The following GTF2A2 variants were observed in gnomAD, a reference collection of about 807,000 sequenced individuals.
GTF2A2 encodes general transcription factor IIA subunit 2.
GTF2A2 carries 9 observed loss-of-function variants against 14.3 expected under a neutral mutation model. That is an observed-to-expected ratio of 0.63 (90% CI 0.38 to 1.10). The LOEUF (loss-of-function observed/expected upper bound fraction) is 1.10. Ranked by LOEUF, GTF2A2 falls within the 50% of genes least tolerant of loss-of-function variation. The pLI is 0.01. For missense variants in GTF2A2, 90 were observed against 124.6 expected, an observed-to-expected ratio of 0.72 and a Z score of 1.32; for synonymous variants, 56 against 46.0, an observed-to-expected ratio of 1.22 and a Z score of -0.88.
rs1891288001 is a variant in GTF2A2, at chr15:59,639,065, C to T, written c.*67G>A. ...CAATTCTAGAATAAATAAAAAGTCT[C>T]TTCTATGCTTCTCTTCAAAAGCAAT... On this transcript the variant is annotated 3_prime_UTR_variant, in exon 5 of 5. Transcript: ENST00000396060. The T allele has an allele frequency of 1.1e-6, 1 of 909,882 alleles. No individual in the cohort carries two copies. Among genetic ancestry groups the T allele is most frequent in the South Asian group, 1.3e-5 (1 of 75,908 alleles). The allele number at this position is 909,882 out of a possible 1,614,324, so 56.4% of individuals were successfully genotyped here.
At chr15:59,654,870 T>C (rs1891896881) in intron 1 of GTF2A2, among the ~76,000 whole-genome samples, 1 of 152,186 alleles carries the variant, frequency 6.6e-6, no homozygotes, top group Admixed American at 6.5e-5. Flanking sequence ...CGTATATACT[T>C]AGTGATTGAG....
At chr15:59,651,508 A>G (rs1385609742) in intron 2 of GTF2A2, 3 of 152,188 alleles carry the variant, frequency 2.0e-5, no homozygotes, top group African/African-American at 7.2e-5. Context: ...ATTTGGGAGA[A>G]TTATACAGAA....
At chr15:59,652,145 G>T (rs1891812889) in intron 2 of GTF2A2, 61 bp downstream of exon 2, 1 of 931,386 alleles carries the variant, frequency 1.1e-6, no homozygotes, top group Non-Finnish European at 1.7e-6. Context: ...TAAGTGATAT[G>T]ACAAGAATTA....
chr15:59,643,356 A>C (rs1055945679), intron 3 of GTF2A2, among the ~76,000 whole-genome samples: 72 of 151,984 alleles, frequency 4.7e-4, no homozygotes, highest in African/African-American at 1.7e-3. Context: ...CTGGGATTAC[A>C]GGCATGAATC....
chr15:59,648,912 C>A (rs1337554572), intron 3 of GTF2A2, among the ~76,000 whole-genome samples: 3 of 151,720 alleles, frequency 2.0e-5, no homozygotes, highest in Non-Finnish European at 4.4e-5. Context: ...CCAGCCTGGG[C>A]GACAGAGCAA....
At chr15:59,640,507 C>CAAATT (rs2141955041) in intron 4 of GTF2A2, among the ~76,000 whole-genome samples, 1 of 152,274 alleles carries the variant, frequency 6.6e-6, no homozygotes, top group East Asian at 1.9e-4. Flanking sequence ...TGGCTAAATT[C>CAAATT]AAATTAATAA....
intron 3 of GTF2A2, among the ~76,000 whole-genome samples, chr15:59,643,298 T>C (rs544358561): frequency 6.6e-6 from 1 of 151,792 alleles, no homozygotes; most frequent in East Asian, 1.9e-4. Context: ...CAGGCTGGTC[T>C]CAAACTCCTG....
At chr15:59,647,259 CTTTG>C (rs1443449157) in intron 3 of GTF2A2, among the ~76,000 whole-genome samples, 5 of 152,004 alleles carry the variant, frequency 3.3e-5, no homozygotes, top group South Asian at 4.2e-4. Flanking sequence ...CACCCAGCTA[CTTTG>C]TTTGTTTTGT....
intron 3 of GTF2A2, among the ~76,000 whole-genome samples, chr15:59,648,401 C>CAAA (rs71425875): frequency 0.45 from 40,386 of 90,014 alleles, 9,901 homozygotes; most frequent in Middle Eastern, 0.52. Context: ...GACTTCGTCT[C>CAAA]AAAAAAAAAA....
At chr15:59,646,626 T>C (rs2141961249) in intron 3 of GTF2A2, among the ~76,000 whole-genome samples, 1 of 152,330 alleles carries the variant, frequency 6.6e-6, no homozygotes, top group East Asian at 1.9e-4. Flanking sequence ...TATGCTGAAA[T>C]TCCATTAGTT....
chr15:59,642,655 G>A (rs1006548032), intron 3 of GTF2A2, among the ~76,000 whole-genome samples: 19 of 152,186 alleles, frequency 1.2e-4, no homozygotes, highest in Admixed American at 3.3e-4. Context: ...CAAAAGCAGG[G>A]ATTTCTTAGA....
chr15:59,640,594 A>AT (rs1224028242), intron 4 of GTF2A2, among the ~76,000 whole-genome samples: 10 of 152,246 alleles, frequency 6.6e-5, no homozygotes, highest in African/African-American at 2.4e-4. Flanking sequence ...GGCTATTGGA[A>AT]AATGCAACAG....
At chr15:59,641,620 AACATT>A (rs1891431622) in intron 4 of GTF2A2, among the ~76,000 whole-genome samples, 1 of 152,218 alleles carries the variant, frequency 6.6e-6, no homozygotes, top group South Asian at 2.1e-4. Flanking sequence ...TAGTTTTTGA[AACATT>A]TAAGGACCTG....
At chr15:59,653,391 C>CCAT (rs1891853572) in intron 1 of GTF2A2, among the ~76,000 whole-genome samples, 1 of 152,182 alleles carries the variant, frequency 6.6e-6, no homozygotes, top group South Asian at 2.1e-4. Context: ...TAATGGCCAG[C>CCAT]CATCAGTCCT....
At chr15:59,645,153 A>C (rs1472698452) in intron 3 of GTF2A2, among the ~76,000 whole-genome samples, 1 of 152,180 alleles carries the variant, frequency 6.6e-6, no homozygotes, top group Non-Finnish European at 1.5e-5. Flanking sequence ...TTCTGACTTG[A>C]ATGTCAATGC....
intron 2 of GTF2A2, 46 bp from the exon 3 acceptor site, chr15:59,650,819 A>G: frequency 1.0e-6 from 1 of 978,798 alleles, no homozygotes; most frequent in African/African-American, 1.6e-5. Context: ...AAGAACATTA[A>G]AGACAAAGTA....
chr15:59,645,761 T>C (rs1891583690), intron 3 of GTF2A2, among the ~76,000 whole-genome samples: 1 of 151,922 alleles, frequency 6.6e-6, no homozygotes, highest in African/African-American at 2.4e-5. Flanking sequence ...ACTGGCCGGG[T>C]GTGGTGGCTC....
rs1891930401 is a variant in GTF2A2 at position 59,655,947 on chromosome 15, G to T, written c.-50+1459C>A. 2.6e-5 allele frequency among the ~76,000 whole-genome samples: 4 copies of T among 152,184 alleles called. No individual in the cohort carries two copies. In the South Asian group the frequency reaches 8.3e-4, roughly 32 times the overall value. On this transcript the variant is annotated intron_variant, in intron 1 of 4. Coordinates refer to ENST00000396060, the MANE Select transcript of GTF2A2 (RefSeq NM_004492.3). ...CCCTACGGTTATCACCCTGACCTGG[G>T]CCACTCTCGTCATCTGGATTACTGC...
intron 3 of GTF2A2, among the ~76,000 whole-genome samples, chr15:59,645,258 G>A (rs1891564803): frequency 6.6e-6 from 1 of 152,176 alleles, no homozygotes. Flanking sequence ...AGTAATTGGA[G>A]TATAGGAGAA....
Sources: allele counts gnomAD v4.1 joint callset (sites outside exome capture counted in the v4.1 genomes callset), GRCh38; gene constraint gnomAD v4.1.1; transcripts MANE v1.5; gene names NCBI Gene and HGNC (gene_info 2026-07-23, HGNC 2026-07-21).